The following DCTD variants were observed in gnomAD, a reference collection of about 807,000 sequenced individuals.
DCTD encodes the protein deoxycytidylate deaminase.
In DCTD, 23 loss-of-function variants were observed where a neutral mutation model predicts 21.0. That is an observed-to-expected ratio of 1.09 (90% CI 0.79 to 1.55). The LOEUF is 1.55. Among genes scored for constraint, DCTD ranks in the 40% most tolerant of loss-of-function variants. DCTD has a pLI of 0.00. For synonymous variants in DCTD, 71 were observed against 81.1 expected, an observed-to-expected ratio of 0.88 and a Z score of 0.67; for missense variants, 224 against 230.0, an observed-to-expected ratio of 0.97 and a Z score of 0.17.
At chr4:182,904,714 C>T (rs1487497140) in intron 3 of DCTD, among the ~76,000 whole-genome samples, 2 of 152,100 alleles carry the variant, frequency 1.3e-5, no homozygotes, top group African/African-American at 2.4e-5. Flanking sequence ...TCTCTTCTCC[C>T]GGCATCCAAG....
chr4:182,901,060 G>C (rs1390652030), intron 3 of DCTD, among the ~76,000 whole-genome samples: 3 of 152,138 alleles, frequency 2.0e-5, no homozygotes, highest in Admixed American at 2.0e-4. Flanking sequence ...TCCCTGGTTA[G>C]ATTTAAGAGT....
intron 4 of DCTD, 93 bp from the exon 5 acceptor site, chr4:182,893,220 G>C: frequency 1.3e-6 from 1 of 757,794 alleles, no homozygotes; most frequent in Admixed American, 2.0e-5. Context: ...CAGCGTCTAT[G>C]ATTAATGACC....
Position 182,894,538 on chromosome 4 carries a change from A to C in DCTD, c.312T>G (p.Tyr104Ter). 1.2e-6 allele frequency: 2 copies of C among 1,614,188 alleles called. No individual in the cohort carries two copies. Among genetic ancestry groups the C allele is most frequent in the Non-Finnish European group, 1.7e-6 (2 of 1,179,984 alleles). ...ATTCATTACAAGGGAACAAGGCAAC[A>C]TACATACTACAGCCTTTCACATCGG... ...NSTDVKGCSMYVALFPCNECA... is the reference protein window; with the variant it reads ...NSTDVKGCSM Residue 104 changes from tyrosine to a stop codon, truncating the protein, a stop_gained, in exon 4 of 6, where the codon TAT becomes TAG. Transcript: ENST00000438320. LOFTEE classifies it high-confidence loss of function.
chr4:182,915,640 C>G (rs1288036868), intron 1 of DCTD, 65 bp from the exon 2 acceptor site: 1 of 1,106,652 alleles, frequency 9.0e-7, no homozygotes, highest in African/African-American at 1.5e-5. Flanking sequence ...TTTTCCAGTT[C>G]AACCCAACCA....
At chr4:182,914,289 T>G (rs1011322378) in intron 3 of DCTD, among the ~76,000 whole-genome samples, 12 of 152,246 alleles carry the variant, frequency 7.9e-5, no homozygotes, top group Admixed American at 2.6e-4. Context: ...ATTACAGGCG[T>G]GAGCCATCGT....
chr4:182,914,510 C>T (rs1445221508), intron 3 of DCTD, among the ~76,000 whole-genome samples: 1 of 152,248 alleles, frequency 6.6e-6, no homozygotes, highest in Non-Finnish European at 1.5e-5. Flanking sequence ...AAGCCCGAGC[C>T]AGCCCCTGGT....
chr4:182,897,302 A>G (rs1414984825), intron 3 of DCTD, among the ~76,000 whole-genome samples: 1 of 150,632 alleles, frequency 6.6e-6, no homozygotes, highest in Non-Finnish European at 1.5e-5. Flanking sequence ...AAAAATATAT[A>G]TATATGAATA....
Position 182,892,627 on chromosome 4 carries a change from C to CAA in DCTD, c.458+402_458+403dup, listed in dbSNP as rs11378889. 7.0e-3 allele frequency among the ~76,000 whole-genome samples: 1,054 copies of CAA among 150,018 alleles called. 3 individuals carry two copies. Among genetic ancestry groups the CAA allele is most frequent in the Middle Eastern group, 0.017 (5 of 292 alleles). ...CTGGTGACAGAGCGAGACTCCGTCT[C>CAA]AAAAAAAAAAGAGAGAATCCCCAAT... On this transcript the variant is annotated intron_variant, in intron 5 of 5. Transcript: ENST00000438320.
In DCTD at chr4:182,914,932, A is replaced by T. The variant is rs1358687652; in HGVS notation, c.235T>A (p.Tyr79Asn). The change falls in exon 3 of 6, where the codon TAC becomes AAC. Residue 79 changes from tyrosine to asparagine, a missense_variant. Physicochemically the swap from Tyr to Asn is moderately radical, Grantham distance 143. Transcript: ENST00000438320. Reference sequence around the variant, plus strand: ...ATAAAACTTGCCCTACCGTACGGGTATTTGGTGTCCAGCTTATTCTCTGCT... The same window carrying T: ...ATAAAACTTGCCCTACCGTACGGGTTTTTGGTGTCCAGCTTATTCTCTGCT... ...RTAENKLDTKYPYVCHAELNA... is the reference protein window; with the variant it reads ...RTAENKLDTKNPYVCHAELNA... The T allele has an allele frequency of 6.2e-7, 1 of 1,614,212 alleles. No homozygotes were observed. Among genetic ancestry groups the T allele is most frequent in the Non-Finnish European group, 8.5e-7 (1 of 1,180,024 alleles).
At chr4:182,912,877 G>C (rs1208935479) in intron 3 of DCTD, among the ~76,000 whole-genome samples, 1 of 152,116 alleles carries the variant, frequency 6.6e-6, no homozygotes, top group African/African-American at 2.4e-5. Flanking sequence ...CCTCCGCACT[G>C]TCCAACCACG....
chr4:182,893,148 C>T lies in DCTD; in HGVS notation c.362-21G>A, dbSNP rs369687167. The T allele has an allele frequency of 7.6e-6, 11 of 1,448,712 alleles. 2 individuals are homozygous for T. The highest frequency in any genetic ancestry group is 3.5e-4 in the Middle Eastern group (2 of 5,748). 89.7% of individuals were successfully genotyped at this position (1,448,712 alleles called of 1,614,324 possible). ...TATACCTGTAAGGTAACAATGGGAG[C>T]TCCCTTAGTGTACGCACCTACAGAT... On this transcript the variant is annotated intron_variant, in intron 4 of 5. Coordinates refer to ENST00000438320, the MANE Select transcript of DCTD (RefSeq NM_001921.3).
intron 3 of DCTD, among the ~76,000 whole-genome samples, chr4:182,900,188 C>T (rs563264558): frequency 2.0e-4 from 31 of 151,842 alleles, no homozygotes; most frequent in Middle Eastern, 3.4e-3. Flanking sequence ...TGGTGGCGTG[C>T]ACCTGTAGTC....
At chr4:182,906,745 C>A (rs13131621) in intron 3 of DCTD, among the ~76,000 whole-genome samples, 7,363 of 152,292 alleles carry the variant, frequency 0.048, 263 homozygotes, top group South Asian at 0.099. Flanking sequence ...TGAACAAAGT[C>A]TTTTAATTGC....
In DCTD at chr4:182,917,379, C is replaced by A. The variant is rs984876925; in HGVS notation, c.-76G>T. 74 of 1,059,394 alleles carry A rather than the reference C, an allele frequency of 7.0e-5. No homozygotes were observed. Among genetic ancestry groups the A allele is most frequent in the Admixed American group, 1.1e-4 (2 of 17,986 alleles). The allele number at this position is 1,059,394 out of a possible 1,614,324, so 65.6% of individuals were successfully genotyped here. A position where few individuals can be genotyped will look rare whatever the true frequency, so the allele number is the denominator to read the frequency against. On this transcript the variant is annotated 5_prime_UTR_variant, in exon 1 of 6. Transcript: ENST00000438320. The surrounding 1 kb of genome is among the most constrained non-coding windows in gnomAD (Gnocchi z 4.9). ...CGCCGCCGTGCTCAGGGAAGGAAGT[C>A]GGGGGAGGAGGCGGGGCCGCCGCGG...
At chr4:182,908,436 C>A (rs1737090390) in intron 3 of DCTD, among the ~76,000 whole-genome samples, 1 of 152,100 alleles carries the variant, frequency 6.6e-6, no homozygotes, top group East Asian at 1.9e-4. Context: ...AATCCCAGGA[C>A]TTTGGGAGGC....
chr4:182,897,453 G>C (rs989598340), intron 3 of DCTD, among the ~76,000 whole-genome samples: 7 of 150,292 alleles, frequency 4.7e-5, no homozygotes, highest in Non-Finnish European at 8.9e-5. Context: ...ACATCACCAT[G>C]AATAACTGGA....
intron 3 of DCTD, among the ~76,000 whole-genome samples, chr4:182,909,742 A>G (rs931122324): frequency 1.3e-5 from 2 of 152,232 alleles, no homozygotes; most frequent in Non-Finnish European, 2.9e-5. Context: ...TTCAGATGCC[A>G]AAGAAATATA....
rs1468371372 is a variant in DCTD at position 182,894,578 on chromosome 4, A to G, written c.272T>C (p.Met91Thr). 3.1e-6 allele frequency: 5 copies of G among 1,614,138 alleles called. No individual in the cohort carries two copies. Among genetic ancestry groups the G allele is most frequent in the Non-Finnish European group, 4.2e-6 (5 of 1,179,936 alleles). Residue 91 changes from methionine (M) to threonine (T), a missense_variant, in exon 4 of 6, where the codon ATG (methionine) becomes ACG (threonine). By Grantham distance (81) the Met-to-Thr change is moderately conservative (BLOSUM62 -1). Coordinates refer to ENST00000438320, the MANE Select transcript of DCTD (RefSeq NM_001921.3). ...YVCHAELNAI[M>T]NKNSTDVKGC... is the part of the protein sequence containing the mutation. Reference sequence around the variant, plus strand: ...TTTCACATCGGTCGAATTTTTGTTCATGATGGCATTCAGCTCCGCATGGCA... The same window carrying G: ...TTTCACATCGGTCGAATTTTTGTTCGTGATGGCATTCAGCTCCGCATGGCA...
chr4:182,895,731 T>C (rs2152855440), intron 3 of DCTD, among the ~76,000 whole-genome samples: 1 of 152,326 alleles, frequency 6.6e-6, no homozygotes, highest in Middle Eastern at 3.4e-3. Flanking sequence ...TAAAACTCTA[T>C]TATAAATCCT....
Sources: gnomAD v4.1 joint callset for allele counts (sites outside exome capture counted in the v4.1 genomes callset) on GRCh38, gnomAD v4.1.1 for gene constraint, Gnocchi (gnomAD v3.1) non-coding constraint, MANE v1.5 for transcripts, NCBI Gene and HGNC (gene_info 2026-07-23, HGNC 2026-07-21) for gene names.